The following SPIDR variants were observed in gnomAD, a reference collection of about 807,000 sequenced individuals.
SPIDR encodes the protein scaffold protein involved in DNA repair.
A neutral mutation model predicts 104.6 loss-of-function variants in SPIDR; 93 were observed. The observed-to-expected ratio is 0.89, with a 90% CI of 0.75 to 1.06. The LOEUF is 1.06. Ranked by LOEUF, SPIDR falls within the 50% of genes least tolerant of loss-of-function variation. The pLI is 0.00. For synonymous variants in SPIDR, 431 were observed against 416.9 expected (o/e 1.03, Z -0.41); for missense variants, 1,154 against 1,111.2 (o/e 1.04, Z -0.55).
chr8:47,713,173 A>T, intron 15 of SPIDR: 1 of 679,760 alleles, frequency 1.5e-6, no homozygotes, highest in Non-Finnish European at 2.3e-6. Flanking sequence ...GCGTATACTT[A>T]GATCAGCCAG....
intron 11 of SPIDR, among the ~76,000 whole-genome samples, chr8:47,692,892 AG>A (rs2078869656): frequency 6.6e-6 from 1 of 152,162 alleles, no homozygotes; most frequent in Non-Finnish European, 1.5e-5. Flanking sequence ...TTCATATGCA[AG>A]TTTCTGTGTG....
At chr8:47,542,523 T>TA (rs904234539) in intron 8 of SPIDR, among the ~76,000 whole-genome samples, 16 of 152,062 alleles carry the variant, frequency 1.1e-4, no homozygotes, top group African/African-American at 3.4e-4. Flanking sequence ...GGATTTTTTT[T>TA]AAAAAAAGTA....
chr8:47,504,835 A>G (rs1183312201), intron 8 of SPIDR, among the ~76,000 whole-genome samples: 1 of 152,044 alleles, frequency 6.6e-6, no homozygotes, highest in African/African-American at 2.4e-5. Context: ...CCTTTCTGTT[A>G]GTTTTCCTTC....
intron 5 of SPIDR, among the ~76,000 whole-genome samples, chr8:47,373,709 T>TA (rs1298906667): frequency 6.6e-6 from 1 of 152,228 alleles, no homozygotes; most frequent in Non-Finnish European, 1.5e-5. Context: ...CCCAAACTGC[T>TA]ATTATTTAAA....
At chr8:47,290,996 G>A (rs2039817300) in intron 3 of SPIDR, 37 bp from the exon 4 acceptor site, 7 of 1,495,586 alleles carry the variant, frequency 4.7e-6, no homozygotes, top group Non-Finnish European at 5.5e-6. Context: ...GACCATATAA[G>A]GAGATCATAT....
intron 8 of SPIDR, among the ~76,000 whole-genome samples, chr8:47,559,046 GATTTT>G (rs2056734837): frequency 6.6e-6 from 1 of 152,190 alleles, no homozygotes; most frequent in South Asian, 2.1e-4. Context: ...CTTATCTGTA[GATTTT>G]AACATCCTTT....
At position 47,605,241 on chromosome 8, in the gene SPIDR, C is replaced by T. The variant is rs1174158064; in HGVS notation, c.1544+6045C>T. ...CTCGTGGCAAGCGCTCAGGATGGTG[C>T]TTCCATGTGGGAGGGGACCCATAGT... is the stretch of plus-strand genomic sequence containing the variant. On this transcript the variant is annotated intron_variant, in intron 10 of 19. Coordinates refer to ENST00000297423, the MANE Select transcript of SPIDR (RefSeq NM_001080394.4). Among the ~76,000 whole-genome samples, 4 of 152,148 alleles carry T rather than the reference C, an allele frequency of 2.6e-5. No homozygotes were observed. The East Asian group carries it at 7.7e-4, about 29-fold the overall frequency.
chr8:47,500,261 A>G (rs1299168435), intron 8 of SPIDR, among the ~76,000 whole-genome samples: 1 of 152,188 alleles, frequency 6.6e-6, no homozygotes, highest in Non-Finnish European at 1.5e-5. Flanking sequence ...TCCCACCAAC[A>G]GTGTAAAAGT....
chr8:47,366,322 G>A (rs2057203174), intron 5 of SPIDR, among the ~76,000 whole-genome samples: 1 of 152,104 alleles, frequency 6.6e-6, no homozygotes, highest in Non-Finnish European at 1.5e-5. Flanking sequence ...TTAAGTGCTG[G>A]GATGAGGAGC....
At chr8:47,621,943 C>T (rs938917846) in intron 10 of SPIDR, among the ~76,000 whole-genome samples, 5 of 152,024 alleles carry the variant, frequency 3.3e-5, no homozygotes, top group Admixed American at 6.5e-5. Context: ...CCAGCCTAGG[C>T]GACAGAGTGA....
chr8:47,365,688 G>A lies in SPIDR; in HGVS notation c.526-30688G>A, dbSNP rs377451249. On this transcript the variant is annotated intron_variant, in intron 5 of 19. Coordinates refer to ENST00000297423, the MANE Select transcript of SPIDR (RefSeq NM_001080394.4). ...TAAGAGTTTTAAATTTTATTTAATT[G>A]AAACATGAAATAAATGTACTTTTCT... Among the ~76,000 whole-genome samples the A allele has an allele frequency of 3.8e-3, 579 of 152,126 alleles. 3 individuals are homozygous for A. The highest frequency in any genetic ancestry group is 0.022 in the South Asian group (108 of 4,820).
At chr8:47,467,037 C>T (rs1468913294) in intron 8 of SPIDR, among the ~76,000 whole-genome samples, 3 of 151,514 alleles carry the variant, frequency 2.0e-5, no homozygotes, top group South Asian at 2.1e-4. Context: ...GTGATATCAC[C>T]ACTGACCCCA....
chr8:47,609,492 A>G (rs2063362080), intron 10 of SPIDR, among the ~76,000 whole-genome samples: 1 of 150,386 alleles, frequency 6.6e-6, no homozygotes, highest in Non-Finnish European at 1.5e-5. Flanking sequence ...TAGTCTTTAT[A>G]TTTTATTTAA....
At chr8:47,559,984 CA>C (rs2154400942) in intron 8 of SPIDR, among the ~76,000 whole-genome samples, 2 of 152,250 alleles carry the variant, frequency 1.3e-5, no homozygotes, top group African/African-American at 4.8e-5. Context: ...TTTGGGAAAA[CA>C]GACATAGATA....
rs1337840078 is a variant in SPIDR at position 47,405,476 on chromosome 8, T to C, written c.777-2385T>C. Among the ~76,000 whole-genome samples, 18 of 152,242 alleles carry C rather than the reference T, an allele frequency of 1.2e-4. 1 individual carries two copies. The highest frequency in any genetic ancestry group is 1.0e-3 in the Admixed American group (16 of 15,280). On this transcript the variant is annotated intron_variant, in intron 6 of 19. Transcript: ENST00000297423. ...ATTGTTTATTCTTTACCTGGTTGTA[T>C]AGCTTATTAAAAATATTTTGACTGT...
At chr8:47,459,910 G>C (rs1241287286) in intron 8 of SPIDR, among the ~76,000 whole-genome samples, 1 of 152,150 alleles carries the variant, frequency 6.6e-6, no homozygotes, top group Non-Finnish European at 1.5e-5. Flanking sequence ...TCATTCAGGA[G>C]CAGGTTATTT....
chr8:47,450,190 T>C (rs782788882), intron 8 of SPIDR, among the ~76,000 whole-genome samples: 20 of 151,996 alleles, frequency 1.3e-4, no homozygotes, highest in Non-Finnish European at 2.6e-4. Context: ...TTCATTTGTC[T>C]TATGGTTCTA....
chr8:47,371,088 G>A (rs1206417232), intron 5 of SPIDR, among the ~76,000 whole-genome samples: 2 of 150,128 alleles, frequency 1.3e-5, no homozygotes, highest in African/African-American at 4.9e-5. Flanking sequence ...GCAGCAGTGG[G>A]ACTGTTGATC....
chr8:47,680,639 T>C (rs758526820), intron 11 of SPIDR, among the ~76,000 whole-genome samples: 4 of 152,218 alleles, frequency 2.6e-5, no homozygotes, highest in African/African-American at 4.8e-5. Flanking sequence ...GCCACCCTTT[T>C]AAAAAGCCAC....
Sources: gnomAD v4.1 joint callset for allele counts (sites outside exome capture counted in the v4.1 genomes callset) on GRCh38, gnomAD v4.1.1 for gene constraint, MANE v1.5 for transcripts, NCBI Gene and HGNC (gene_info 2026-07-23, HGNC 2026-07-21) for gene names.